Variants in RGPD2 observed in about 807,000 individuals in gnomAD.
RGPD2 encodes the protein RANBP2-like and GRIP domain-containing protein 2.
In RGPD2, 2 loss-of-function variants were observed where a neutral mutation model predicts 36.0. The observed-to-expected ratio is 0.06, with a 90% CI of 0.02 to 0.17. The LOEUF is 0.17. Among genes scored for constraint, RGPD2 ranks in the 10% least tolerant of loss-of-function variants. RGPD2 has a pLI of 1.00. For synonymous variants in RGPD2, 19 were observed against 163.8 expected, an observed-to-expected ratio of 0.12 and a Z score of 6.75; for missense variants, 40 against 464.3, an observed-to-expected ratio of 0.09 and a Z score of 8.40.
intron 20 of RGPD2, among the ~76,000 whole-genome samples, chr2:87,775,383 CTATTAA>C (rs1685222415): frequency 9.9e-6 from 1 of 100,878 alleles, no homozygotes; most frequent in African/African-American, 3.3e-5. Flanking sequence ...TTCTTCCCAT[CTATTAA>C]TATTCCAAGA....
the RGPD2 span, among the ~76,000 whole-genome samples, chr2:87,844,871 T>C: frequency 0.048 from 6,113 of 127,920 alleles, no homozygotes; most frequent in East Asian, 0.086. Context: ...AATCATCCAG[T>C]TTACTTCTAT....
chr2:87,886,881 A>G, the RGPD2 span, among the ~76,000 whole-genome samples: 2 of 151,970 alleles, frequency 1.3e-5, no homozygotes, highest in African/African-American at 4.8e-5. Flanking sequence ...ATGAGAAACT[A>G]CAACACAGAG....
the RGPD2 span, among the ~76,000 whole-genome samples, chr2:87,974,048 A>C: frequency 3.9e-5 from 6 of 152,006 alleles, no homozygotes; most frequent in Admixed American, 3.9e-4. Flanking sequence ...GCATCAATGC[A>C]CAAGAGAACA....
chr2:87,836,515 GAAGGA>G, the RGPD2 span, among the ~76,000 whole-genome samples: 2 of 151,286 alleles, frequency 1.3e-5, no homozygotes, highest in African/African-American at 4.9e-5. Context: ...CTTCATAAGT[GAAGGA>G]AACATTAAAT....
At chr2:87,951,931 A>C in the RGPD2 span, among the ~76,000 whole-genome samples, 1 of 151,318 alleles carries the variant, frequency 6.6e-6, no homozygotes, top group Non-Finnish European at 1.5e-5. Flanking sequence ...GCACTCTATT[A>C]CTTCTGTAAA....
chr2:87,932,655 A>G, the RGPD2 span, among the ~76,000 whole-genome samples: 1 of 150,854 alleles, frequency 6.6e-6, no homozygotes, highest in Admixed American at 6.6e-5. Context: ...GGTGGTAACA[A>G]ATTTCTTCAG....
the RGPD2 span, chr2:87,986,023 G>A: frequency 1.3e-6 from 1 of 742,656 alleles, no homozygotes; most frequent in Non-Finnish European, 2.2e-6. Flanking sequence ...CAATTATTAT[G>A]AAAAGAAAAC....
the RGPD2 span, among the ~76,000 whole-genome samples, chr2:87,844,582 A>C: frequency 3.3e-5 from 5 of 151,058 alleles, no homozygotes; most frequent in African/African-American, 1.2e-4. Flanking sequence ...AATAATTTTT[A>C]TGTTTCGAAA....
At chr2:87,868,631 T>C in the RGPD2 span, among the ~76,000 whole-genome samples, 25 of 151,946 alleles carry the variant, frequency 1.6e-4, no homozygotes, top group African/African-American at 5.8e-4. Flanking sequence ...TCTTCTTTAT[T>C]TTTCTCAAGT....
chr2:87,919,766 A>G, the RGPD2 span, among the ~76,000 whole-genome samples: 182 of 149,364 alleles, frequency 1.2e-3, 2 homozygotes, highest in Admixed American at 0.012. Context: ...GCAAACATCT[A>G]TCATAGTTCA....
At chr2:87,824,299 C>G (rs1686510923) in intron 1 of RGPD2, among the ~76,000 whole-genome samples, 1 of 151,726 alleles carries the variant, frequency 6.6e-6, no homozygotes, top group African/African-American at 2.4e-5. Flanking sequence ...AGGGCAAAAG[C>G]ACATGTGAGG....
At chr2:87,933,441 A>G in the RGPD2 span, among the ~76,000 whole-genome samples, 1 of 135,592 alleles carries the variant, frequency 7.4e-6, no homozygotes, top group Admixed American at 7.6e-5. Flanking sequence ...GGAATATGCA[A>G]TATAAAAGCA....
chr2:87,966,604 C>A, the RGPD2 span, among the ~76,000 whole-genome samples: 1 of 152,232 alleles, frequency 6.6e-6, no homozygotes, highest in African/African-American at 2.4e-5. Flanking sequence ...TGGAGAATTT[C>A]GAGTCCCCAA....
chr2:87,964,967 C>A, the RGPD2 span, among the ~76,000 whole-genome samples: 5 of 152,196 alleles, frequency 3.3e-5, no homozygotes, highest in African/African-American at 9.6e-5. Flanking sequence ...AATCCTTAAA[C>A]TAACTCCCTA....
At chr2:87,927,211 C>T in the RGPD2 span, among the ~76,000 whole-genome samples, 2 of 130,880 alleles carry the variant, frequency 1.5e-5, no homozygotes, top group Non-Finnish European at 3.3e-5. Flanking sequence ...CATTCCCACC[C>T]TTATCACCTC....
the RGPD2 span, among the ~76,000 whole-genome samples, chr2:87,855,087 A>G: frequency 6.6e-6 from 1 of 152,014 alleles, no homozygotes; most frequent in Non-Finnish European, 1.5e-5. Flanking sequence ...ATACGATATG[A>G]TATTATCAAC....
chr2:87,919,100 C>G, the RGPD2 span, among the ~76,000 whole-genome samples: 1 of 150,668 alleles, frequency 6.6e-6, no homozygotes, highest in African/African-American at 2.5e-5. Context: ...GCAGTTACCT[C>G]CAGTATTCAA....
At chr2:87,927,651 G>A in the RGPD2 span, among the ~76,000 whole-genome samples, 1 of 151,288 alleles carries the variant, frequency 6.6e-6, no homozygotes, top group African/African-American at 2.4e-5. Flanking sequence ...TTAGGGTGTT[G>A]AGAGTTACAG....
chr2:87,838,086 CAGA>C, the RGPD2 span, among the ~76,000 whole-genome samples: 1 of 151,886 alleles, frequency 6.6e-6, no homozygotes, highest in African/African-American at 2.4e-5. Context: ...GCTGATCAAC[CAGA>C]AGAAGCACAA....
Sources: gnomAD v4.1 joint callset for allele counts (sites outside exome capture counted in the v4.1 genomes callset) on GRCh38, gnomAD v4.1.1 for gene constraint, MANE v1.5 for transcripts, NCBI Gene and HGNC (gene_info 2026-07-23, HGNC 2026-07-21) for gene names.